Variants in PCDH9 observed in about 807,000 individuals in gnomAD.
The protein encoded by PCDH9 is protocadherin-9.
In PCDH9, 24 loss-of-function variants were observed where a neutral mutation model predicts 70.6. The ratio of observed to expected loss-of-function variants is 0.34; its 90% CI spans 0.25 to 0.48. The LOEUF is 0.48. Ranked by LOEUF, PCDH9 falls within the 20% of genes least tolerant of loss-of-function variation. The pLI, the probability that PCDH9 is intolerant of heterozygous loss-of-function variation, is 0.99. For synonymous variants in PCDH9, 562 were observed against 558.5 expected (o/e 1.01, Z -0.09); for missense variants, 1,281 against 1,503.6 (o/e 0.85, Z 2.45).
intron 3 of PCDH9, among the ~76,000 whole-genome samples, chr13:66,642,249 A>G (rs951915088): frequency 6.6e-5 from 10 of 152,222 alleles, no homozygotes; most frequent in Non-Finnish European, 1.0e-4. Flanking sequence ...ATAAAATCCA[A>G]ACTTTATTAA....
chr13:67,055,074 C>A (rs2085392579), intron 2 of PCDH9, among the ~76,000 whole-genome samples: 1 of 152,158 alleles, frequency 6.6e-6, no homozygotes, highest in African/African-American at 2.4e-5. Context: ...AACTCAATTT[C>A]CATTTTATGG....
intron 4 of PCDH9, among the ~76,000 whole-genome samples, chr13:66,330,138 C>T (rs956549225): frequency 1.3e-5 from 2 of 152,228 alleles, no homozygotes; most frequent in South Asian, 4.1e-4. Flanking sequence ...GCCACTTGCA[C>T]ATGGCATGAA....
chr13:67,223,611 A>G (rs900583500), intron 2 of PCDH9: 1 of 152,152 alleles, frequency 6.6e-6, no homozygotes, highest in Non-Finnish European at 1.5e-5. Flanking sequence ...TACTTTTCTT[A>G]TCATAGTTAA....
chr13:67,181,317 T>A (rs1162281858), intron 2 of PCDH9, among the ~76,000 whole-genome samples: 1 of 152,164 alleles, frequency 6.6e-6, no homozygotes, highest in Non-Finnish European at 1.5e-5. Context: ...AGAATAATCA[T>A]AAGAAGCTAT....
chr13:66,515,200 A>G (rs574804945), intron 4 of PCDH9, among the ~76,000 whole-genome samples: 2 of 152,192 alleles, frequency 1.3e-5, no homozygotes, highest in East Asian at 3.9e-4. Flanking sequence ...AAGGATTTCT[A>G]TATGTTATCA....
At chr13:67,142,698 C>T (rs2087424461) in intron 2 of PCDH9, among the ~76,000 whole-genome samples, 1 of 151,966 alleles carries the variant, frequency 6.6e-6, no homozygotes, top group Non-Finnish European at 1.5e-5. Flanking sequence ...GAAATAGAAA[C>T]CTTTGCAAAA....
At chr13:66,355,532 G>A (rs1956368329) in intron 4 of PCDH9, among the ~76,000 whole-genome samples, 1 of 152,052 alleles carries the variant, frequency 6.6e-6, no homozygotes, top group South Asian at 2.1e-4. Flanking sequence ...CTGACATGCT[G>A]TCTAGTGTTC....
intron 2 of PCDH9, among the ~76,000 whole-genome samples, chr13:67,038,723 A>G (rs1285233766): frequency 6.6e-6 from 1 of 152,178 alleles, no homozygotes; most frequent in East Asian, 1.9e-4. Context: ...CTTTGCCCCT[A>G]GTTTCTGGCA....
chr13:66,713,625 G>GTGTATATA (rs1379996611), intron 3 of PCDH9, among the ~76,000 whole-genome samples: 1 of 110,008 alleles, frequency 9.1e-6, no homozygotes, highest in African/African-American at 3.7e-5. Flanking sequence ...GTGTGTGTGT[G>GTGTATATA]TATATATATA....
chr13:66,880,272 C>T (rs974591126), intron 3 of PCDH9: 1 of 152,130 alleles, frequency 6.6e-6, no homozygotes, highest in African/African-American at 2.4e-5. Context: ...TTTTGATATC[C>T]ATGAGACACT....
chr13:66,318,153 C>T (rs1417046575), intron 4 of PCDH9, among the ~76,000 whole-genome samples: 1 of 152,100 alleles, frequency 6.6e-6, no homozygotes, highest in African/African-American at 2.4e-5. Flanking sequence ...ACACACCTTG[C>T]AAATCCAGGG....
intron 2 of PCDH9, among the ~76,000 whole-genome samples, chr13:66,999,768 C>G (rs1257135120): frequency 1.3e-5 from 2 of 152,048 alleles, no homozygotes; most frequent in Non-Finnish European, 2.9e-5. Context: ...AAATGCAAAT[C>G]AAAACCACAA....
intron 4 of PCDH9, among the ~76,000 whole-genome samples, chr13:66,523,859 GA>G (rs1270819960): frequency 2.0e-5 from 3 of 151,934 alleles, no homozygotes; most frequent in African/African-American, 7.2e-5. Flanking sequence ...GTAAACTTTT[GA>G]AAAATACTTA....
intron 2 of PCDH9, among the ~76,000 whole-genome samples, chr13:67,115,015 T>C (rs1046242431): frequency 2.0e-5 from 3 of 152,208 alleles, no homozygotes; most frequent in Non-Finnish European, 4.4e-5. Flanking sequence ...AAGATTTTTT[T>C]TATTGTTTGT....
intron 2 of PCDH9, among the ~76,000 whole-genome samples, chr13:67,089,586 A>AT (rs1290364510): frequency 6.6e-5 from 10 of 152,050 alleles, no homozygotes; most frequent in Non-Finnish European, 1.2e-4. Context: ...ATATTTTGCA[A>AT]TTTTTTAAAT....
chr13:66,366,929 A>G (rs528567472), intron 4 of PCDH9, among the ~76,000 whole-genome samples: 1 of 152,250 alleles, frequency 6.6e-6, no homozygotes, highest in East Asian at 1.9e-4. Flanking sequence ...CTCAAACATT[A>G]CATGCCCAGT....
chr13:67,174,314 G>GATAGATACATAC (rs372130505), intron 2 of PCDH9, among the ~76,000 whole-genome samples: 34 of 149,574 alleles, frequency 2.3e-4, no homozygotes, highest in African/African-American at 6.2e-4. Context: ...TAGATAGATA[G>GATAGATACATAC]ATACATACAT....
chr13:67,157,430 T>G (rs1260407249), intron 2 of PCDH9, among the ~76,000 whole-genome samples: 1 of 152,230 alleles, frequency 6.6e-6, no homozygotes, highest in Non-Finnish European at 1.5e-5. Flanking sequence ...GGATGTAAAT[T>G]ATACTAAGGG....
At chr13:66,685,556 C>G (rs1300420366) in intron 3 of PCDH9, among the ~76,000 whole-genome samples, 1 of 152,182 alleles carries the variant, frequency 6.6e-6, no homozygotes, top group African/African-American at 2.4e-5. Context: ...GGGGTACTGC[C>G]TAGTGGAGAT....
Sources: gnomAD v4.1 joint callset for allele counts (sites outside exome capture counted in the v4.1 genomes callset) on GRCh38, gnomAD v4.1.1 for gene constraint, MANE v1.5 for transcripts, NCBI Gene and HGNC (gene_info 2026-07-23, HGNC 2026-07-21) for gene names.